Variants in ATF6 observed in about 807,000 individuals in gnomAD.
The protein encoded by ATF6 is cyclic AMP-dependent transcription factor ATF-6 alpha.
A neutral mutation model predicts 83.6 loss-of-function variants in ATF6; 53 were observed. That is an observed-to-expected ratio of 0.63 (90% CI 0.51 to 0.80). The LOEUF (loss-of-function observed/expected upper bound fraction) is 0.80, where lower values mean the gene tolerates loss of function less well. Ranked by LOEUF, ATF6 falls within the 30% of genes least tolerant of loss-of-function variation. ATF6 has a pLI of 0.00. For missense variants in ATF6, 744 were observed against 797.9 expected, an observed-to-expected ratio of 0.93 and a Z score of 0.81; for synonymous variants, 288 against 285.8, an observed-to-expected ratio of 1.01 and a Z score of -0.08.
chr1:161,869,702 T>A (rs758073685), intron 14 of ATF6, among the ~76,000 whole-genome samples: 2 of 151,798 alleles, frequency 1.3e-5, no homozygotes, highest in Non-Finnish European at 3.0e-5. Flanking sequence ...TAGAGCAGAG[T>A]TGACTGAGTA....
At chr1:161,771,967 C>G (rs1220272644) in intron 1 of ATF6, among the ~76,000 whole-genome samples, 2 of 152,184 alleles carry the variant, frequency 1.3e-5, no homozygotes, top group Non-Finnish European at 2.9e-5. Context: ...CATTTGCTTT[C>G]CTGATCATAA....
At chr1:161,847,469 A>G (rs180811121) in intron 10 of ATF6, among the ~76,000 whole-genome samples, 1 of 152,258 alleles carries the variant, frequency 6.6e-6, no homozygotes, top group East Asian at 1.9e-4. Context: ...TGTGGAGTAC[A>G]GTATGCCAAG....
chr1:161,808,639 C>T (rs909778147), intron 7 of ATF6, among the ~76,000 whole-genome samples: 1 of 152,068 alleles, frequency 6.6e-6, no homozygotes, highest in African/African-American at 2.4e-5. Flanking sequence ...GTGGCATGAT[C>T]ATAGCTCACT....
At chr1:161,797,073 A>T (rs1685038599) in intron 6 of ATF6, among the ~76,000 whole-genome samples, 1 of 152,084 alleles carries the variant, frequency 6.6e-6, no homozygotes, top group Non-Finnish European at 1.5e-5. Flanking sequence ...AAGCATGTTT[A>T]TATCTGCTTC....
chr1:161,776,706 TGAG>T (rs1199218316), intron 1 of ATF6, among the ~76,000 whole-genome samples: 3 of 152,218 alleles, frequency 2.0e-5, no homozygotes, highest in South Asian at 2.1e-4. Context: ...GTGGGGTTGA[TGAG>T]GAGCTCATTT....
At chr1:161,881,016 CT>C (rs1687314445) in intron 14 of ATF6, among the ~76,000 whole-genome samples, 1 of 152,094 alleles carries the variant, frequency 6.6e-6, no homozygotes, top group Non-Finnish European at 1.5e-5. Flanking sequence ...TTTTGACCAA[CT>C]TTTTATGTGC....
At chr1:161,854,732 C>G (rs563182712) in intron 12 of ATF6, among the ~76,000 whole-genome samples, 2 of 151,986 alleles carry the variant, frequency 1.3e-5, no homozygotes, top group Non-Finnish European at 2.9e-5. Flanking sequence ...GTTAGCCAGG[C>G]GTGGTGGCGG....
intron 14 of ATF6, among the ~76,000 whole-genome samples, chr1:161,897,906 G>T (rs990489207): frequency 6.6e-6 from 1 of 152,078 alleles, no homozygotes; most frequent in African/African-American, 2.4e-5. Context: ...TATGTGGCTT[G>T]CTTATATGCC....
chr1:161,900,347 A>C (rs1323936897), intron 14 of ATF6, among the ~76,000 whole-genome samples: 4 of 152,164 alleles, frequency 2.6e-5, no homozygotes, highest in African/African-American at 9.7e-5. Context: ...GAGGAATAGT[A>C]CTCAACTTTT....
At chr1:161,797,799 C>G (rs1165033161) in intron 6 of ATF6, among the ~76,000 whole-genome samples, 1 of 152,158 alleles carries the variant, frequency 6.6e-6, no homozygotes, top group Non-Finnish European at 1.5e-5. Flanking sequence ...TGACATTTTT[C>G]ACACAATTAG....
chr1:161,791,595 T>C lies in ATF6; in HGVS notation c.484+58T>C. 2 of 1,519,484 alleles carry C rather than the reference T, an allele frequency of 1.3e-6. 1 individual carries two copies. The highest frequency in any genetic ancestry group is 2.5e-5 in the South Asian group (2 of 79,982). The allele number at this position is 1,519,484 out of a possible 1,614,324, so 94.1% of individuals were successfully genotyped here. A position where few individuals can be genotyped will look rare whatever the true frequency, so the allele number is the denominator to read the frequency against. On this transcript the variant is annotated intron_variant, in intron 5 of 15. Coordinates refer to ENST00000367942, the MANE Select transcript of ATF6 (RefSeq NM_007348.4). ...TATTTCAGATTGAGCTTAGGTTCCA[T>C]TTCTTAAAAGAAAATGCTGGATTAA...
chr1:161,775,561 T>C (rs1684496320), intron 1 of ATF6, among the ~76,000 whole-genome samples: 1 of 152,172 alleles, frequency 6.6e-6, no homozygotes. Flanking sequence ...TGGTGGTTGG[T>C]AAACCGCTAC....
intron 15 of ATF6, among the ~76,000 whole-genome samples, chr1:161,940,592 T>A (rs1045321543): frequency 1.4e-5 from 2 of 145,452 alleles, no homozygotes; most frequent in African/African-American, 5.1e-5. Context: ...AGAGTCTTGC[T>A]CTGTTGCCCA....
chr1:161,864,874 GA>G (rs1477591707), intron 14 of ATF6, among the ~76,000 whole-genome samples: 2 of 152,088 alleles, frequency 1.3e-5, no homozygotes, highest in Non-Finnish European at 2.9e-5. Context: ...CAAAGTAGGA[GA>G]AAAAAAGTAA....
At chr1:161,871,959 A>G (rs780653143) in intron 14 of ATF6, among the ~76,000 whole-genome samples, 1 of 151,634 alleles carries the variant, frequency 6.6e-6, no homozygotes, top group Non-Finnish European at 1.5e-5. Flanking sequence ...GAGTTTTGAA[A>G]AACAGCCATA....
rs1571198668 is a variant in ATF6 at position 161,862,786 on chromosome 1, C to T, written c.1605-412C>T. ...AAGCTTTTTCCACCTTTTTGCACAG[C>T]CTCGTAGGCAAGCATACCTTCATAT... On this transcript the variant is annotated intron_variant, in intron 13 of 15. Transcript: ENST00000367942. 9.2e-5 allele frequency among the ~76,000 whole-genome samples: 14 copies of T among 152,254 alleles called. No homozygotes were observed. The South Asian group carries it at 2.9e-3, about 32-fold the overall frequency.
intron 14 of ATF6, among the ~76,000 whole-genome samples, chr1:161,889,577 G>A (rs941089156): frequency 1.3e-5 from 2 of 152,180 alleles, no homozygotes; most frequent in Non-Finnish European, 2.9e-5. Context: ...TTCATCAGAC[G>A]TGTATTGAGC....
chr1:161,783,918 C>T, intron 3 of ATF6, 72 bp from the exon 4 acceptor site: 5 of 1,078,874 alleles, frequency 4.6e-6, no homozygotes, highest in South Asian at 1.4e-5. Flanking sequence ...GTAGATTTTA[C>T]CTTCTTTCTT....
At chr1:161,855,169 A>G (rs751503292) in intron 12 of ATF6, among the ~76,000 whole-genome samples, 3 of 152,166 alleles carry the variant, frequency 2.0e-5, no homozygotes, top group African/African-American at 4.8e-5. Context: ...GTTGCTACAT[A>G]AAGTGGACCA....
Sources: allele counts gnomAD v4.1 joint callset (sites outside exome capture counted in the v4.1 genomes callset), GRCh38; gene constraint gnomAD v4.1.1; transcripts MANE v1.5; gene names NCBI Gene and HGNC (gene_info 2026-07-23, HGNC 2026-07-21).